PTPRQ: variants seen among roughly 807,000 people sequenced by gnomAD.
The protein encoded by PTPRQ is protein tyrosine phosphatase receptor type Q, also known as phosphatidylinositol phosphatase PTPRQ.
Under a neutral mutation model 246.0 loss-of-function variants are expected in PTPRQ, and 199 were observed. The observed-to-expected ratio is 0.81, with a 90% CI of 0.72 to 0.91. The LOEUF (loss-of-function observed/expected upper bound fraction) is 0.91, where lower values mean the gene tolerates loss of function less well. Ranked by LOEUF, PTPRQ falls within the 40% of genes least tolerant of loss-of-function variation. PTPRQ has a pLI of 0.00. For missense variants in PTPRQ, 2,624 were observed against 2,528.4 expected, an observed-to-expected ratio of 1.04 and a Z score of -0.81; for synonymous variants, 869 against 853.2, an observed-to-expected ratio of 1.02 and a Z score of -0.32.
intron 39 of PTPRQ, among the ~76,000 whole-genome samples, chr12:80,658,639 TC>T (rs1229077182): frequency 6.6e-6 from 1 of 152,116 alleles, no homozygotes; most frequent in Non-Finnish European, 1.5e-5. Flanking sequence ...CATTGATTCA[TC>T]CACTTCTTCC....
At chr12:80,636,330 A>G (rs368126706) in intron 35 of PTPRQ, among the ~76,000 whole-genome samples, 5 of 152,238 alleles carry the variant, frequency 3.3e-5, no homozygotes, top group African/African-American at 1.2e-4. Flanking sequence ...AAAAGAATCA[A>G]TAAAAGATTC....
chr12:80,515,190 A>G lies in PTPRQ; in HGVS notation c.2678+4747A>G, dbSNP rs898336587. ...ATAATCAGTTTTGGGGAGAGGAGGC[A>G]GGTATCATAATGTAATACACATGGG... On this transcript the variant is annotated intron_variant, in intron 17 of 44. Coordinates refer to ENST00000644991, the MANE Select transcript of PTPRQ (RefSeq NM_001145026.2). Among the ~76,000 whole-genome samples the G allele has an allele frequency of 3.9e-5, 6 of 152,042 alleles. No individual in the cohort carries two copies. The East Asian group carries it at 7.7e-4, about 20-fold the overall frequency.
At chr12:80,573,215 C>T (rs1048273790) in intron 25 of PTPRQ, among the ~76,000 whole-genome samples, 14 of 152,104 alleles carry the variant, frequency 9.2e-5, no homozygotes, top group South Asian at 4.1e-4. Flanking sequence ...TAGGGCCGGG[C>T]GCGGTGGCTC....
intron 28 of PTPRQ, among the ~76,000 whole-genome samples, chr12:80,611,784 A>G (rs1001124121): frequency 2.7e-5 from 4 of 150,506 alleles, no homozygotes; most frequent in African/African-American, 7.3e-5. Flanking sequence ...TTAAAATCAC[A>G]TCCTAAATTT....
intron 37 of PTPRQ, among the ~76,000 whole-genome samples, chr12:80,650,549 G>C (rs186901310): frequency 6.6e-6 from 1 of 151,658 alleles, no homozygotes; most frequent in Non-Finnish European, 1.5e-5. Flanking sequence ...TAAAACAATT[G>C]GGTTAAATAA....
chr12:80,480,890 C>A (rs940152286), intron 8 of PTPRQ, among the ~76,000 whole-genome samples: 8 of 152,120 alleles, frequency 5.3e-5, no homozygotes, highest in Non-Finnish European at 7.3e-5. Context: ...CAATAGCTTA[C>A]CAACCAAAAA....
In PTPRQ at chr12:80,444,373, C is replaced by T. The variant is rs553967336; in HGVS notation, c.28C>T (p.Leu10Phe). 6.8e-7 allele frequency: 1 copy of T among 1,480,710 alleles called. No individual in the cohort carries two copies. The highest frequency in any genetic ancestry group is 9.2e-7 in the Non-Finnish European group (1 of 1,085,646). 91.7% of individuals were successfully genotyped at this position (1,480,710 alleles called of 1,614,324 possible). ...GGATTTTCTTATCATTTTTCTTTTA[C>T]TTTTTATTGGGACTTCAGAGACACA... is the stretch of plus-strand genomic sequence containing the variant. Reference protein sequence around the residue: MDFLIIFLLLFIGTSETQVD... With the variant: MDFLIIFLLFFIGTSETQVD... Residue 10 changes from leucine to phenylalanine, a missense_variant, in exon 1 of 45, where the codon CTT (leucine) becomes TTT (phenylalanine). Transcript: ENST00000644991.
Position 80,620,235 on chromosome 12 carries a change from C to T in PTPRQ, c.5471C>T (p.Pro1824Leu). 3 of 1,549,218 alleles carry T rather than the reference C, an allele frequency of 1.9e-6. No homozygotes were observed. Among genetic ancestry groups the T allele is most frequent in the African/African-American group, 1.4e-5 (1 of 72,920 alleles). Residue 1824 changes from proline to leucine, a missense_variant, in exon 32 of 45, where the codon CCT (proline) becomes CTT (leucine). Pro to Leu is a moderately conservative substitution (Grantham distance 98). Transcript: ENST00000644991. The part of the protein sequence containing the change: ...ARPYFTNEGF[P>L]NPPCTEGKTK... ...CCATATTTTACAAATGAAGGCTTTC[C>T]TAACCCTCCATGTACAGAAGGAAAG...
chr12:80,455,791 G>T (rs993074089), intron 3 of PTPRQ, among the ~76,000 whole-genome samples: 10 of 151,786 alleles, frequency 6.6e-5, no homozygotes, highest in African/African-American at 2.4e-4. Context: ...TAGCAGAGAC[G>T]GGTTTCACTA....
chr12:80,507,427 G>C (rs1333205674), intron 16 of PTPRQ, among the ~76,000 whole-genome samples: 1 of 151,912 alleles, frequency 6.6e-6, no homozygotes, highest in Non-Finnish European at 1.5e-5. Context: ...TGTTTGTGGA[G>C]TATCTTTTCT....
At chr12:80,585,988 G>A (rs1048974858) in intron 25 of PTPRQ, among the ~76,000 whole-genome samples, 1 of 149,190 alleles carries the variant, frequency 6.7e-6, no homozygotes, top group Non-Finnish European at 1.5e-5. Flanking sequence ...GTGGTGTTTG[G>A]TTTTTTTGTT....
At chr12:80,485,363 C>T (rs1894239751) in intron 9 of PTPRQ, among the ~76,000 whole-genome samples, 1 of 152,152 alleles carries the variant, frequency 6.6e-6, no homozygotes, top group African/African-American at 2.4e-5. Flanking sequence ...GAATAAACTT[C>T]CTTAGGACCA....
chr12:80,542,262 G>C lies in PTPRQ; in HGVS notation c.3619G>C (p.Glu1207Gln). 1.3e-6 allele frequency: 2 copies of C among 1,550,624 alleles called. No homozygotes were observed. The highest frequency in any genetic ancestry group is 1.7e-6 in the Non-Finnish European group (2 of 1,146,446). ...FITSDNYIILEELSPFTLYSF... is the reference protein window; with the variant it reads ...FITSDNYIILQELSPFTLYSF... ...TACTTCTGATAATTACATAATATTG[G>C]AAGAGCTTTCACCATTTACATTATA... Residue 1207 changes from glutamate (E) to glutamine (Q), a missense_variant, in exon 22 of 45, where the codon GAA (glutamate) becomes CAA (glutamine). By Grantham distance (29) the Glu-to-Gln change is conservative. Transcript: ENST00000644991.
chr12:80,666,248 A>G (rs1900783428), intron 39 of PTPRQ, among the ~76,000 whole-genome samples: 1 of 152,070 alleles, frequency 6.6e-6, no homozygotes, highest in African/African-American at 2.4e-5. Flanking sequence ...TAAAAGAATA[A>G]AGTCCTGTCA....
At chr12:80,655,814 G>C (rs1014054715) in intron 38 of PTPRQ, among the ~76,000 whole-genome samples, 1 of 152,174 alleles carries the variant, frequency 6.6e-6, no homozygotes. Flanking sequence ...GCTTGAGCCA[G>C]CTAAATGAAG....
In PTPRQ at chr12:80,588,238, T is replaced by C. The variant is rs974452993; in HGVS notation, c.4395T>C (p.Ile1465=). 5.2e-6 allele frequency: 8 copies of C among 1,551,638 alleles called. No individual in the cohort carries two copies. Among genetic ancestry groups the C allele is most frequent in the Admixed American group, 3.9e-5 (2 of 51,006 alleles). ...TILGYFQNYK[I]TTQLRAQKCK... is the part of the protein sequence containing the mutation. ...TTGGCTACTTTCAAAATTACAAAAT[T>C]ACCACTCAACTTCGTGCTCAAAAAT... The change falls in exon 26 of 45, where the codon ATT becomes ATC. Residue 1465 remains isoleucine, a synonymous_variant. Transcript: ENST00000644991.
chr12:80,527,790 A>G (rs534392001), intron 17 of PTPRQ, among the ~76,000 whole-genome samples: 3 of 152,182 alleles, frequency 2.0e-5, no homozygotes, highest in African/African-American at 7.2e-5. Context: ...GTCTGAGACC[A>G]GCGTGGGCAC....
chr12:80,582,166 G>A (rs539494434), intron 25 of PTPRQ, among the ~76,000 whole-genome samples: 2 of 152,088 alleles, frequency 1.3e-5, no homozygotes, highest in Non-Finnish European at 2.9e-5. Flanking sequence ...AATCAAATTC[G>A]ATATATCCAT....
At chr12:80,546,138 C>G (rs1317429873) in intron 23 of PTPRQ, among the ~76,000 whole-genome samples, 1 of 151,896 alleles carries the variant, frequency 6.6e-6, no homozygotes, top group Non-Finnish European at 1.5e-5. Context: ...GCCAACATGG[C>G]TAAACTCTGT....
Sources: gnomAD v4.1 joint callset for allele counts (sites outside exome capture counted in the v4.1 genomes callset) on GRCh38, gnomAD v4.1.1 for gene constraint, MANE v1.5 for transcripts, NCBI Gene and HGNC (gene_info 2026-07-23, HGNC 2026-07-21) for gene names.